The following LOC400499 variants were observed in gnomAD, a reference collection of about 807,000 sequenced individuals.
the LOC400499 span, chr16:11,456,927 C>G: frequency 6.5e-7 from 1 of 1,536,300 alleles, no homozygotes; most frequent in Non-Finnish European, 8.7e-7. Context: ...CAGCGGCCGC[C>G]CATTGTACTG....
At chr16:11,414,404 C>T in the LOC400499 span, 1 of 399,670 alleles carries the variant, frequency 2.5e-6, no homozygotes. Context: ...GCACTGGCCA[C>T]CAGCTGCAGT....
At chr16:11,477,901 A>T in the LOC400499 span, 4 of 398,886 alleles carry the variant, frequency 1.0e-5, no homozygotes, top group Non-Finnish European at 1.8e-5. Context: ...TGCTGATGGC[A>T]GCCGAGGCAT....
At chr16:11,388,826 T>A in the LOC400499 span, among the ~76,000 whole-genome samples, 1 of 152,208 alleles carries the variant, frequency 6.6e-6, no homozygotes, top group Non-Finnish European at 1.5e-5. Context: ...CTGGGCTTGG[T>A]GGCTCATGCC....
the LOC400499 span, among the ~76,000 whole-genome samples, chr16:11,420,065 A>G: frequency 1.3e-5 from 2 of 149,142 alleles, no homozygotes; most frequent in Non-Finnish European, 1.5e-5. Flanking sequence ...AACTAGAAAT[A>G]CCATTTGACC....
the LOC400499 span, among the ~76,000 whole-genome samples, chr16:11,507,868 A>C: frequency 6.6e-6 from 1 of 152,116 alleles, no homozygotes; most frequent in Non-Finnish European, 1.5e-5. Context: ...AGGGAGGTCA[A>C]GGCTGCAGTG....
the LOC400499 span, among the ~76,000 whole-genome samples, chr16:11,387,780 C>A: frequency 6.6e-6 from 1 of 152,128 alleles, no homozygotes; most frequent in Non-Finnish European, 1.5e-5. Context: ...CCCACCGCAA[C>A]ACCCGGCTAA....
chr16:11,475,826 G>A, the LOC400499 span: 5 of 390,886 alleles, frequency 1.3e-5, no homozygotes, highest in Non-Finnish European at 2.3e-5. Context: ...ACCCTGAGCG[G>A]GGCCAGCCTT....
chr16:11,466,501 G>T, the LOC400499 span, among the ~76,000 whole-genome samples: 14 of 151,944 alleles, frequency 9.2e-5, no homozygotes, highest in East Asian at 2.7e-3. Flanking sequence ...CAATTCTCCT[G>T]CCTCAGCCTC....
chr16:11,526,737 T>C, the LOC400499 span, among the ~76,000 whole-genome samples: 2 of 152,166 alleles, frequency 1.3e-5, no homozygotes, highest in Non-Finnish European at 2.9e-5. Flanking sequence ...GCTGAGACAA[T>C]GTCTCACTCT....
At chr16:11,404,399 T>G in the LOC400499 span, among the ~76,000 whole-genome samples, 1 of 152,122 alleles carries the variant, frequency 6.6e-6, no homozygotes, top group Admixed American at 6.6e-5. Flanking sequence ...CAGGCTGGAA[T>G]GCACTGGCTC....
At chr16:11,502,917 C>CCTTTTT in the LOC400499 span, among the ~76,000 whole-genome samples, 1 of 98,048 alleles carries the variant, frequency 1.0e-5, no homozygotes, top group African/African-American at 4.2e-5. Context: ...CCTGGACCAC[C>CCTTTTT]TTTTTTTTTT....
chr16:11,405,608 T>C, the LOC400499 span, among the ~76,000 whole-genome samples: 1 of 152,144 alleles, frequency 6.6e-6, no homozygotes, highest in East Asian at 1.9e-4. Context: ...TTGAGGGCAC[T>C]GCAGGGGGAC....
chr16:11,512,349 A>G, the LOC400499 span, among the ~76,000 whole-genome samples: 2 of 152,202 alleles, frequency 1.3e-5, no homozygotes, highest in Non-Finnish European at 2.9e-5. Flanking sequence ...CTGTAGTCCC[A>G]GCACTTTGGG....
chr16:11,419,177 AAAC>A, the LOC400499 span, among the ~76,000 whole-genome samples: 20,539 of 141,458 alleles, frequency 0.15, 1,660 homozygotes, highest in African/African-American at 0.25. Context: ...AAAAAACAAA[AAAC>A]AACAACAACA....
the LOC400499 span, among the ~76,000 whole-genome samples, chr16:11,456,043 A>T: frequency 2.9e-4 from 42 of 142,432 alleles, no homozygotes; most frequent in Middle Eastern, 3.6e-3. Flanking sequence ...CGTGGATAAA[A>T]TTTTTTTTTT....
the LOC400499 span, chr16:11,393,407 A>G: frequency 8.1e-7 from 1 of 1,232,286 alleles, no homozygotes; most frequent in Non-Finnish European, 1.0e-6. Context: ...CATGGGCCAC[A>G]GAGGCCTGCA....
chr16:11,440,037 C>A, the LOC400499 span, among the ~76,000 whole-genome samples: 4 of 152,050 alleles, frequency 2.6e-5, no homozygotes, highest in Non-Finnish European at 5.9e-5. Flanking sequence ...AGCTAGTTAA[C>A]AGTGGAACTT....
At chr16:11,391,549 G>C in the LOC400499 span, 10 of 878,718 alleles carry the variant, frequency 1.1e-5, no homozygotes, top group East Asian at 2.6e-4. Context: ...CATGGGAAGC[G>C]AGGCCACATT....
At chr16:11,513,503 C>T in the LOC400499 span, among the ~76,000 whole-genome samples, 2 of 151,972 alleles carry the variant, frequency 1.3e-5, no homozygotes, top group Non-Finnish European at 2.9e-5. Flanking sequence ...ATGATCTTGG[C>T]TCACTGCACC....
Sources: gnomAD v4.1 joint callset for allele counts (sites outside exome capture counted in the v4.1 genomes callset) on GRCh38, gnomAD v4.1.1 for gene constraint, MANE v1.5 for transcripts.